The following PLAC1 variants were observed in gnomAD, a reference collection of about 807,000 sequenced individuals.
The protein encoded by PLAC1 is placenta-specific protein 1.
For missense variants in PLAC1, 136 were observed against 163.2 expected, an observed-to-expected ratio of 0.83 and a Z score of 0.91; for synonymous variants, 68 against 62.1, an observed-to-expected ratio of 1.09 and a Z score of -0.44.
At chrX:134,655,211 A>G (rs1317704385) in intron 1 of PLAC1, among the ~76,000 whole-genome samples, 6 of 110,500 alleles carry the variant, frequency 5.4e-5, no homozygotes, top group African/African-American at 2.0e-4. Flanking sequence ...TTTTGAAAAA[A>G]TTCAAACGTA....
intron 2 of PLAC1, among the ~76,000 whole-genome samples, chrX:134,577,301 C>A (rs2077944454): frequency 8.9e-6 from 1 of 111,941 alleles, no homozygotes; most frequent in African/African-American, 3.2e-5. Flanking sequence ...AAACTAAGAT[C>A]TCTTTGTTCC....
At position 134,566,276 on chromosome X, in the gene PLAC1, C is replaced by T. The variant is rs367653476; in HGVS notation, c.407G>A (p.Ser136Asn). Residue 136 changes from serine (S) to asparagine (N), a missense_variant, in exon 3 of 3, where the codon AGC becomes AAC. Physicochemically the swap from Ser to Asn is conservative, Grantham distance 46. Transcript: ENST00000359237. ...KPCSMRVASK[S>N]RATAQKDEKC... ...CTCATCCTTCTGGGCTGTGGCCCTG[C>T]TCTTGCTGGCTACTCTCATGGAGCA... The T allele has an allele frequency of 3.1e-5, 37 of 1,211,822 alleles. No individual in the cohort carries two copies. The highest frequency in any genetic ancestry group is 4.0e-5 in the Non-Finnish European group (36 of 895,462).
chrX:134,658,083 T>A (rs910841809), intron 1 of PLAC1, among the ~76,000 whole-genome samples: 1 of 112,024 alleles, frequency 8.9e-6, no homozygotes, highest in Admixed American at 9.5e-5. Flanking sequence ...CAGACCAAAT[T>A]CAGAGTCTAA....
chrX:134,571,040 C>G (rs912888161), intron 2 of PLAC1, among the ~76,000 whole-genome samples: 1 of 111,879 alleles, frequency 8.9e-6, no homozygotes, highest in African/African-American at 3.2e-5. Flanking sequence ...GACAGTGATA[C>G]AATCTGATTA....
chrX:134,759,800 G>C (rs1034500912), intron 1 of PLAC1, among the ~76,000 whole-genome samples: 1 of 112,141 alleles, frequency 8.9e-6, no homozygotes, highest in Non-Finnish European at 1.9e-5. Flanking sequence ...TATCTTAAGT[G>C]AAATAAGCTA....
At chrX:134,574,773 A>G (rs927532231) in intron 2 of PLAC1, among the ~76,000 whole-genome samples, 1 of 111,708 alleles carries the variant, frequency 9.0e-6, no homozygotes, top group Non-Finnish European at 1.9e-5. Flanking sequence ...GACCAAGTCC[A>G]GGCAATTGAG....
chrX:134,725,533 C>G (rs1459406088), intron 2 of PLAC1, among the ~76,000 whole-genome samples: 1 of 111,862 alleles, frequency 8.9e-6, no homozygotes, highest in Non-Finnish European at 1.9e-5. Flanking sequence ...TTAACAAGTT[C>G]CCCGTGACAC....
At chrX:134,677,160 G>T (rs181077245) in intron 2 of PLAC1, among the ~76,000 whole-genome samples, 1 of 111,077 alleles carries the variant, frequency 9.0e-6, no homozygotes, top group South Asian at 3.9e-4. Context: ...TGATTCCGAC[G>T]TCCACTCGCT....
chrX:134,648,507 G>A (rs781769922), intron 1 of PLAC1, among the ~76,000 whole-genome samples: 9 of 111,218 alleles, frequency 8.1e-5, no homozygotes, highest in Non-Finnish European at 1.5e-4. Flanking sequence ...CCAACATGGC[G>A]AAACCCCGTC....
At chrX:134,676,943 AACTGTAAT>A (rs1205931477) in intron 2 of PLAC1, among the ~76,000 whole-genome samples, 15 of 112,434 alleles carry the variant, frequency 1.3e-4, no homozygotes, top group African/African-American at 4.9e-4. Context: ...TTGGCAGTAA[AACTGTAAT>A]ACTAAAATTA....
chrX:134,747,131 C>A (rs1468039266), intron 1 of PLAC1, among the ~76,000 whole-genome samples: 1 of 112,126 alleles, frequency 8.9e-6, no homozygotes, highest in Non-Finnish European at 1.9e-5. Flanking sequence ...TGCCCTCAGG[C>A]CTTCTCATTC....
At chrX:134,730,828 C>A (rs137943224) in intron 2 of PLAC1, among the ~76,000 whole-genome samples, 92 of 111,167 alleles carry the variant, frequency 8.3e-4, no homozygotes, top group African/African-American at 2.9e-3. Flanking sequence ...AGAAAGGGGG[C>A]GAGGAAAGGA....
chrX:134,646,077 A>G (rs1466608597), intron 1 of PLAC1, among the ~76,000 whole-genome samples: 2 of 111,957 alleles, frequency 1.8e-5, no homozygotes, highest in Admixed American at 9.5e-5. Context: ...TACCTACCTC[A>G]CAGGGTCATG....
At chrX:134,750,802 CAA>C (rs748923622) in intron 1 of PLAC1, among the ~76,000 whole-genome samples, 1 of 9,979 alleles carries the variant, frequency 1.0e-4, no homozygotes, top group East Asian at 2.7e-3. Context: ...AATAAAAATA[CAA>C]AAAAAAAAAT....
At chrX:134,718,461 T>A (rs2078649370) in intron 2 of PLAC1, among the ~76,000 whole-genome samples, 1 of 112,508 alleles carries the variant, frequency 8.9e-6, no homozygotes, top group African/African-American at 3.2e-5. Context: ...TCACCGTTTT[T>A]ACAGCTTTGG....
intron 1 of PLAC1, among the ~76,000 whole-genome samples, chrX:134,621,061 C>G (rs776089851): frequency 1.0e-3 from 117 of 111,581 alleles, no homozygotes; most frequent in Non-Finnish European, 2.0e-3. Flanking sequence ...CCCCTCTCCT[C>G]TTGCCAGACC....
chrX:134,726,299 C>T (rs2147840771), intron 2 of PLAC1, among the ~76,000 whole-genome samples: 1 of 111,230 alleles, frequency 9.0e-6, no homozygotes, highest in Admixed American at 9.6e-5. Context: ...TATTTCCTAC[C>T]CCTACTCGAA....
At chrX:134,600,368 C>T (rs887962684) in intron 2 of PLAC1, among the ~76,000 whole-genome samples, 4 of 111,310 alleles carry the variant, frequency 3.6e-5, no homozygotes, top group Non-Finnish European at 3.8e-5. Flanking sequence ...GGTTTTGCCA[C>T]GTTGCCCAGG....
intron 2 of PLAC1, among the ~76,000 whole-genome samples, chrX:134,579,136 G>A (rs1021655230): frequency 7.3e-5 from 8 of 110,221 alleles, no homozygotes; most frequent in Admixed American, 1.9e-4. Flanking sequence ...GATATCTTTT[G>A]TCTAGAGATT....
Sources: gnomAD v4.1 joint callset for allele counts (sites outside exome capture counted in the v4.1 genomes callset) on GRCh38, gnomAD v4.1.1 for gene constraint, MANE v1.5 for transcripts, NCBI Gene and HGNC (gene_info 2026-07-23, HGNC 2026-07-21) for gene names.